Variants in MEGF11 observed in about 807,000 individuals in gnomAD.
MEGF11 encodes multiple epidermal growth factor-like domains protein 11.
A neutral mutation model predicts 146.6 loss-of-function variants in MEGF11; 126 were observed. That is an observed-to-expected ratio of 0.86 (90% CI 0.74 to 1.00). MEGF11 has a LOEUF of 1.00. Among genes scored for constraint, MEGF11 ranks in the 50% least tolerant of loss-of-function variants. MEGF11 has a pLI of 0.00. For synonymous variants in MEGF11, 532 were observed against 583.4 expected (o/e 0.91, Z 1.27); for missense variants, 1,509 against 1,521.2 (o/e 0.99, Z 0.13).
At chr15:65,972,629 A>G (rs2081330607) in intron 7 of MEGF11, among the ~76,000 whole-genome samples, 1 of 152,228 alleles carries the variant, frequency 6.6e-6, no homozygotes, top group East Asian at 1.9e-4. Context: ...TCTTAACTGG[A>G]AGCCAGAAGA....
chr15:66,241,833 A>G (rs2092216565), intron 1 of MEGF11, among the ~76,000 whole-genome samples: 1 of 152,174 alleles, frequency 6.6e-6, no homozygotes, highest in South Asian at 2.1e-4. Flanking sequence ...ACACAAGCAC[A>G]AAGACATATA....
chr15:66,111,718 T>C (rs2087421455), intron 4 of MEGF11, among the ~76,000 whole-genome samples: 2 of 152,086 alleles, frequency 1.3e-5, no homozygotes, highest in Non-Finnish European at 2.9e-5. Context: ...AAAAAAAGTC[T>C]CCCACAAGAA....
At position 66,126,914 on chromosome 15, in the gene MEGF11, G is replaced by A. The variant is rs138567076; in HGVS notation, c.98+1392C>T. 2.2e-3 allele frequency among the ~76,000 whole-genome samples: 339 copies of A among 152,336 alleles called. 1 individual carries two copies. Among genetic ancestry groups the A allele is most frequent in the African/African-American group, 7.6e-3 (314 of 41,564 alleles). ...TATTGAATCAGCATCTCCGGGATAG[G>A]CCCCAGGAGACTTTTTCGAATGCAC... is the stretch of plus-strand genomic sequence containing the variant. On this transcript the variant is annotated intron_variant, in intron 2 of 25. Coordinates refer to ENST00000395614, the MANE Select transcript of MEGF11 (RefSeq NM_001385028.1).
At chr15:66,045,127 C>A (rs555613674) in intron 5 of MEGF11, among the ~76,000 whole-genome samples, 61 of 152,314 alleles carry the variant, frequency 4.0e-4, no homozygotes, top group African/African-American at 1.3e-3. Context: ...ATCGCTCATA[C>A]AAAATCTATT....
At chr15:65,952,109 G>A (rs562771627) in intron 10 of MEGF11, among the ~76,000 whole-genome samples, 2 of 152,170 alleles carry the variant, frequency 1.3e-5, no homozygotes, top group East Asian at 1.9e-4. Context: ...ATCTCTTATT[G>A]TGTAGTACAT....
chr15:66,143,153 A>T (rs2089233192), intron 1 of MEGF11, among the ~76,000 whole-genome samples: 1 of 152,252 alleles, frequency 6.6e-6, no homozygotes, highest in Non-Finnish European at 1.5e-5. Context: ...GATTGGATCA[A>T]TGAATCAGTG....
chr15:66,213,318 G>A (rs2091508742), intron 1 of MEGF11, among the ~76,000 whole-genome samples: 1 of 152,148 alleles, frequency 6.6e-6, no homozygotes, highest in Admixed American at 6.6e-5. Context: ...GGGAAGCAGT[G>A]TGTCCCCGTT....
chr15:66,106,048 C>T (rs1280646400), intron 4 of MEGF11, among the ~76,000 whole-genome samples: 2 of 152,180 alleles, frequency 1.3e-5, no homozygotes, highest in African/African-American at 4.8e-5. Context: ...GGTCTGCGTC[C>T]ATTGTGGGAA....
chr15:66,024,844 GC>G, intron 5 of MEGF11, among the ~76,000 whole-genome samples: 1 of 152,276 alleles, frequency 6.6e-6, no homozygotes, highest in South Asian at 2.1e-4. Context: ...CAGGATCTCA[GC>G]CCCTCCCAGC....
At chr15:66,184,566 G>A (rs956529174) in intron 1 of MEGF11, among the ~76,000 whole-genome samples, 6 of 37,144 alleles carry the variant, frequency 1.6e-4, no homozygotes, top group Non-Finnish European at 3.0e-4. Flanking sequence ...AACCACCCCC[G>A]CCATCGCTAC....
intron 23 of MEGF11, among the ~76,000 whole-genome samples, chr15:65,908,463 G>A (rs1366388251): frequency 6.6e-6 from 1 of 152,198 alleles, no homozygotes; most frequent in Non-Finnish European, 1.5e-5. Flanking sequence ...TTGTGTGTGT[G>A]TCTCCCAAGC....
At chr15:66,201,946 CAAAAAAAAAAAAA>C (rs71139471) in intron 1 of MEGF11, among the ~76,000 whole-genome samples, 3 of 31,780 alleles carry the variant, frequency 9.4e-5, no homozygotes, top group Non-Finnish European at 1.6e-4. Context: ...GACTCCATCT[CAAAAAAAAAAAAA>C]AAAAAAAAAA....
At chr15:66,083,801 C>G (rs565163501) in intron 5 of MEGF11, among the ~76,000 whole-genome samples, 54 of 152,242 alleles carry the variant, frequency 3.5e-4, no homozygotes, top group African/African-American at 1.3e-3. Flanking sequence ...CCTGTAGTCC[C>G]AGCTACTCAG....
intron 9 of MEGF11, 40 bp downstream of exon 9, chr15:65,964,868 C>A: frequency 2.0e-6 from 3 of 1,500,508 alleles, no homozygotes; most frequent in Non-Finnish European, 2.7e-6. Flanking sequence ...CCTGAGCACC[C>A]CCCGCCCTTG....
At chr15:65,924,279 C>T (rs1027884940) in intron 13 of MEGF11, among the ~76,000 whole-genome samples, 1 of 151,226 alleles carries the variant, frequency 6.6e-6, no homozygotes, top group Non-Finnish European at 1.5e-5. Flanking sequence ...AGCATCTGTG[C>T]TCCCTCCCTG....
chr15:65,948,210 T>A (rs1361374066), intron 10 of MEGF11, among the ~76,000 whole-genome samples: 1 of 150,726 alleles, frequency 6.6e-6, no homozygotes, highest in Non-Finnish European at 1.5e-5. Context: ...GAGGTAAAGG[T>A]GGAAAGAACA....
At chr15:66,222,189 C>T (rs2091753804) in intron 1 of MEGF11, among the ~76,000 whole-genome samples, 3 of 152,044 alleles carry the variant, frequency 2.0e-5, no homozygotes, top group Admixed American at 1.3e-4. Context: ...CCAAGTTCAG[C>T]GTCCCCAACT....
chr15:66,021,926 C>T (rs189668460), intron 5 of MEGF11, among the ~76,000 whole-genome samples: 48 of 152,250 alleles, frequency 3.2e-4, no homozygotes, highest in East Asian at 3.1e-3. Context: ...GGATGACTTG[C>T]GGCTAGAGCT....
At chr15:65,967,349 T>C (rs1448085231) in intron 8 of MEGF11, among the ~76,000 whole-genome samples, 2 of 152,016 alleles carry the variant, frequency 1.3e-5, no homozygotes, top group East Asian at 3.9e-4. Context: ...AATAGTAGAG[T>C]GGATTTAAGG....
Sources: allele counts gnomAD v4.1 joint callset (sites outside exome capture counted in the v4.1 genomes callset), GRCh38; gene constraint gnomAD v4.1.1; transcripts MANE v1.5; gene names NCBI Gene and HGNC (gene_info 2026-07-23, HGNC 2026-07-21).